Variants in MPPED1 observed in about 807,000 individuals in gnomAD.
MPPED1 encodes the protein metallophosphoesterase domain-containing protein 1.
Under a neutral mutation model 36.2 loss-of-function variants are expected in MPPED1, and 16 were observed. The ratio of observed to expected loss-of-function variants is 0.44; its 90% confidence interval spans 0.30 to 0.67. The LOEUF (loss-of-function observed/expected upper bound fraction) is 0.67. Ranked by LOEUF, MPPED1 falls within the 30% of genes least tolerant of loss-of-function variation. The pLI is 0.10. For synonymous variants in MPPED1, 199 were observed against 191.3 expected, an observed-to-expected ratio of 1.04 and a Z score of -0.33; for missense variants, 307 against 453.4, an observed-to-expected ratio of 0.68 and a Z score of 2.93.
chr22:43,422,809 C>T (rs891841218), intron 1 of MPPED1, among the ~76,000 whole-genome samples: 1 of 152,180 alleles, frequency 6.6e-6, no homozygotes, highest in Non-Finnish European at 1.5e-5. Context: ...TTCATTTAAC[C>T]TGCACAACCC....
intron 4 of MPPED1, among the ~76,000 whole-genome samples, chr22:43,496,036 G>A (rs1453014998): frequency 1.8e-4 from 10 of 54,308 alleles, no homozygotes; most frequent in South Asian, 7.5e-4. Context: ...TGGTGGAGGT[G>A]GTGGTGGTGG....
At chr22:43,438,379 A>G (rs1214771612) in intron 3 of MPPED1, among the ~76,000 whole-genome samples, 1 of 152,090 alleles carries the variant, frequency 6.6e-6, no homozygotes, top group East Asian at 1.9e-4. Context: ...CTGGGGTGGG[A>G]GCAGAGAGCA....
chr22:43,453,711 C>T (rs950208954), intron 3 of MPPED1, among the ~76,000 whole-genome samples: 1 of 152,158 alleles, frequency 6.6e-6, no homozygotes, highest in African/African-American at 2.4e-5. Flanking sequence ...CTCAGAGCTC[C>T]AAGAGCCTAC....
intron 1 of MPPED1, among the ~76,000 whole-genome samples, chr22:43,421,392 G>A (rs1382084096): frequency 1.3e-5 from 2 of 152,256 alleles, no homozygotes; most frequent in African/African-American, 2.4e-5. Flanking sequence ...GCGCCTCCGG[G>A]AGCCTTGCCG....
At chr22:43,459,119 G>C (rs765334113) in intron 3 of MPPED1, among the ~76,000 whole-genome samples, 4 of 151,998 alleles carry the variant, frequency 2.6e-5, no homozygotes, top group Non-Finnish European at 5.9e-5. Flanking sequence ...CTGTCACCCA[G>C]GCTGGATTGC....
At chr22:43,500,209 TGGTGGG>T (rs1437538904) in intron 5 of MPPED1, among the ~76,000 whole-genome samples, 13 of 88,856 alleles carry the variant, frequency 1.5e-4, no homozygotes, top group South Asian at 7.6e-4. Flanking sequence ...GTAATGGAGG[TGGTGGG>T]GGTGATGGTG....
chr22:43,440,397 C>G (rs1930109426), intron 3 of MPPED1, among the ~76,000 whole-genome samples: 1 of 152,100 alleles, frequency 6.6e-6, no homozygotes, highest in South Asian at 2.1e-4. Flanking sequence ...CATGCAGGCC[C>G]CCCTGGAGGC....
chr22:43,498,017 CAGA>C (rs947729030), intron 4 of MPPED1, among the ~76,000 whole-genome samples: 2 of 149,114 alleles, frequency 1.3e-5, no homozygotes, highest in African/African-American at 5.0e-5. Context: ...TGCAGGTAAG[CAGA>C]AGGAGAGAGG....
At chr22:43,420,355 T>C (rs1929222811) in intron 1 of MPPED1, among the ~76,000 whole-genome samples, 1 of 152,016 alleles carries the variant, frequency 6.6e-6, no homozygotes, top group African/African-American at 2.4e-5. Context: ...CAGGTTCTCA[T>C]TCCCCAGGTC....
chr22:43,477,791 C>A (rs11912446), intron 4 of MPPED1, among the ~76,000 whole-genome samples: 2 of 152,138 alleles, frequency 1.3e-5, no homozygotes, highest in Non-Finnish European at 2.9e-5. Context: ...GGAGGCTGTT[C>A]AAATTGGGAT....
intron 3 of MPPED1, among the ~76,000 whole-genome samples, chr22:43,446,939 C>T (rs960781467): frequency 6.6e-6 from 1 of 152,208 alleles, no homozygotes; most frequent in Non-Finnish European, 1.5e-5. Context: ...ACGATGGAGA[C>T]AGGACAGGGG....
intron 6 of MPPED1, among the ~76,000 whole-genome samples, chr22:43,503,094 C>T (rs1230900276): frequency 2.6e-5 from 4 of 152,258 alleles, no homozygotes; most frequent in Admixed American, 2.6e-4. Context: ...ATGGAGGATG[C>T]ATTATATTTG....
In MPPED1 at chr22:43,425,033, G is replaced by T; in HGVS notation, c.48G>T (p.Leu16=). Residue 16 remains leucine (L), a synonymous_variant, in exon 2 of 7, where the codon CTG becomes CTT. Coordinates refer to ENST00000443721, the MANE Select transcript of MPPED1 (RefSeq NM_001044370.2). ...CCAGCGTCCTGAAGGCGGAGGCCCT[G>T]GCCCTCCTCCCCTGCGGCCTGGGCA... The part of the protein sequence containing the change: ...WDASVLKAEA[L]ALLPCGLGMA... 6.2e-7 allele frequency: 1 copy of T among 1,611,538 alleles called. No homozygotes were observed. Among genetic ancestry groups the T allele is most frequent in the Non-Finnish European group, 8.5e-7 (1 of 1,179,076 alleles).
At chr22:43,432,187 A>G (rs1929710928) in intron 2 of MPPED1, among the ~76,000 whole-genome samples, 1 of 145,148 alleles carries the variant, frequency 6.9e-6, no homozygotes, top group African/African-American at 2.5e-5. Flanking sequence ...TGACATCTTC[A>G]AAACCTCAGA....
At chr22:43,452,002 A>G (rs942716581) in intron 3 of MPPED1, among the ~76,000 whole-genome samples, 1 of 149,792 alleles carries the variant, frequency 6.7e-6, no homozygotes, top group Non-Finnish European at 1.5e-5. Flanking sequence ...TCACCTCCCT[A>G]TATTTTTCTT....
intron 2 of MPPED1, among the ~76,000 whole-genome samples, chr22:43,425,664 C>T (rs972637800): frequency 3.9e-5 from 6 of 152,256 alleles, no homozygotes; most frequent in Admixed American, 3.3e-4. Flanking sequence ...GACCGAGCCC[C>T]AGAGAGGGGA....
rs897408260 is a variant in MPPED1, at chr22:43,430,001, C to T, written c.224+4792C>T. ...AGTGCTTTGTGGGAAGAGTACTGGG[C>T]AAGCGGTTGGGGCAGTTGTTGTGTG... is the stretch of plus-strand genomic sequence containing the variant. On this transcript the variant is annotated intron_variant, in intron 2 of 6. Transcript: ENST00000443721. 8.5e-5 allele frequency among the ~76,000 whole-genome samples: 13 copies of T among 152,118 alleles called. No individual in the cohort carries two copies. The East Asian group carries it at 2.5e-3, about 29-fold the overall frequency.
chr22:43,452,045 T>C (rs1355222096), intron 3 of MPPED1, among the ~76,000 whole-genome samples: 2 of 150,120 alleles, frequency 1.3e-5, no homozygotes, highest in African/African-American at 4.9e-5. Context: ...TGAAATGGAG[T>C]CTTGCTCTGT....
At chr22:43,463,520 T>A (rs2146870401) in intron 3 of MPPED1, among the ~76,000 whole-genome samples, 1 of 152,152 alleles carries the variant, frequency 6.6e-6, no homozygotes, top group South Asian at 2.1e-4. Flanking sequence ...TTTTCTCACC[T>A]GTTATTTACT....
Sources: allele counts gnomAD v4.1 joint callset (sites outside exome capture counted in the v4.1 genomes callset), GRCh38; gene constraint gnomAD v4.1.1; transcripts MANE v1.5; gene names NCBI Gene and HGNC (gene_info 2026-07-23, HGNC 2026-07-21).